PRMT1: variants seen among roughly 807,000 people sequenced by gnomAD.
The protein encoded by PRMT1 is protein arginine methyltransferase 1, also known as protein arginine N-methyltransferase 1.
PRMT1 carries 5 observed loss-of-function variants against 47.4 expected under a neutral mutation model. The ratio of observed to expected loss-of-function variants is 0.11; its 90% CI spans 0.06 to 0.22. The LOEUF (loss-of-function observed/expected upper bound fraction) is 0.22. Among genes scored for constraint, PRMT1 ranks in the 10% least tolerant of loss-of-function variants. PRMT1 has a pLI of 1.00. For synonymous variants in PRMT1, 227 were observed against 204.6 expected (o/e 1.11, Z -0.94); for missense variants, 249 against 518.4 (o/e 0.48, Z 5.05).
Position 49,685,371 on chromosome 19 carries a change from G to C in PRMT1, c.759+334G>C, listed in dbSNP as rs1487247016. 2 of 1,254,750 alleles carry C rather than the reference G, an allele frequency of 1.6e-6. No homozygotes were observed. Among genetic ancestry groups the C allele is most frequent in the Non-Finnish European group, 2.0e-6 (2 of 986,566 alleles). 77.7% of individuals were successfully genotyped at this position (1,254,750 alleles called of 1,614,324 possible). A position where few individuals can be genotyped will look rare whatever the true frequency, so the allele number is the denominator to read the frequency against. On this transcript the variant is annotated intron_variant, in intron 8 of 10. Transcript: ENST00000454376. This position sits in a 1 kb window ranked among gnomAD's most constrained non-coding sequence, Gnocchi z 4.7. ...CACGCGGGCCACTGCAGAAGAGCAC[G>C]GGGCCAGGCTGGGCTCCGAGATGTG...
In PRMT1 at chr19:49,686,182, C is replaced by T. The variant is rs746703303; in HGVS notation, c.849C>T (p.Ala283=). Reference sequence around the variant, plus strand: ...TGAAGCGGAATGACTACGTGCACGCCCTGGTGGCCTACTTCAACATCGAGT... The same window carrying T: ...TGAAGCGGAATGACTACGTGCACGCTCTGGTGGCCTACTTCAACATCGAGT... ...LQVKRNDYVH[A]LVAYFNIEFT... The change falls in exon 9 of 11, where the codon GCC becomes GCT. Residue 283 remains alanine, a synonymous_variant. Transcript: ENST00000454376. 1.1e-5 allele frequency: 17 copies of T among 1,613,734 alleles called. No individual in the cohort carries two copies. In the South Asian group the frequency reaches 1.5e-4, roughly 15 times the overall value.
At chr19:49,682,284 TG>T (rs781294700) in intron 5 of PRMT1, 25 bp downstream of exon 5, 1 of 1,609,530 alleles carries the variant, frequency 6.2e-7, no homozygotes, top group East Asian at 2.2e-5. Flanking sequence ...AGGATGGGTT[TG>T]TGGGAGTGGA....
Position 49,681,754 on chromosome 19 carries a change from T to G in PRMT1, c.193-156T>G, listed in dbSNP as rs368510937. Among the ~76,000 whole-genome samples, 1 of 151,646 alleles carries G rather than the reference T, an allele frequency of 6.6e-6. No individual in the cohort carries two copies. The highest frequency in any genetic ancestry group is 6.6e-5 in the Admixed American group (1 of 15,210). ...TTCCATCTCAAAAAATAAAATAAAA[T>G]AAAAATAAATAAATGAATAAATATA... On this transcript the variant is annotated intron_variant, in intron 3 of 10. Transcript: ENST00000454376. This position sits in a 1 kb window ranked among gnomAD's most constrained non-coding sequence, Gnocchi z 4.4.
upstream of PRMT1, chr19:49,677,122 C>G (rs535399520): frequency 1.1e-5 from 6 of 567,568 alleles, no homozygotes; most frequent in East Asian, 3.3e-5. Context: ...TAGCCAATTA[C>G]TAGACGGTAT....
rs764348345 is a variant in PRMT1, at chr19:49,686,140, C to A, written c.807C>A (p.Ser269=). ...TVKVEDLTFT[S]PFCLQVKRND... ...AGGTGGAAGACCTGACCTTCACCTCCCCGTTCTGCCTGCAAGTGAAGCGGA... is the reference window on the plus strand; with the variant it reads ...AGGTGGAAGACCTGACCTTCACCTCACCGTTCTGCCTGCAAGTGAAGCGGA... Residue 269 remains serine (S), a synonymous_variant, in exon 9 of 11, where the codon TCC becomes TCA. Transcript: ENST00000454376. 8 of 1,614,090 alleles carry A rather than the reference C, an allele frequency of 5.0e-6. No individual in the cohort carries two copies. The highest frequency in any genetic ancestry group is 6.8e-6 in the Non-Finnish European group (8 of 1,179,970).
At chr19:49,682,094 C>T (rs201638361) in intron 4 of PRMT1, 29 bp downstream of exon 4, 90 of 1,613,620 alleles carry the variant, frequency 5.6e-5, no homozygotes, top group East Asian at 2.0e-4. Context: ...CAGGCGGGGC[C>T]GGGCCTGAGG....
At chr19:49,677,733 C>T (rs1248654196) in intron 1 of PRMT1, 7 of 159,206 alleles carry the variant, frequency 4.4e-5, no homozygotes, top group Non-Finnish European at 8.2e-5. Context: ...CCCCAGCCCT[C>T]CTCCCCGGGG....
upstream of PRMT1, chr19:49,677,112 T>C: frequency 1.9e-6 from 1 of 522,724 alleles, no homozygotes; most frequent in African/African-American, 1.9e-5. Context: ...ACGTATTCTC[T>C]AGCCAATTAC....
At chr19:49,677,251 C>G (rs746446644), upstream of PRMT1, 1 of 1,415,562 alleles carries the variant, frequency 7.1e-7, no homozygotes, top group Admixed American at 2.7e-5. Flanking sequence ...GGGGTCTTGG[C>G]GGCCGGAGGA....
intron 5 of PRMT1, among the ~76,000 whole-genome samples, chr19:49,683,039 C>G (rs1033851770): frequency 3.3e-5 from 5 of 151,852 alleles, no homozygotes; most frequent in Admixed American, 6.6e-5. Flanking sequence ...GCCTGCTTGC[C>G]TTGGCCTCCC....
At chr19:49,683,442 A>G (rs1197436022) in intron 5 of PRMT1, among the ~76,000 whole-genome samples, 1 of 151,830 alleles carries the variant, frequency 6.6e-6, no homozygotes, top group Non-Finnish European at 1.5e-5. Flanking sequence ...TAATCCCAAC[A>G]TTTTGGGAGG....
At chr19:49,687,961 A>G in intron 10 of PRMT1, 1 of 620,838 alleles carries the variant, frequency 1.6e-6, no homozygotes, top group Non-Finnish European at 2.9e-6. Context: ...GAGTGAGTCT[A>G]GTGGGCTTGG....
chr19:49,677,837 ACCT>A (rs1043737990), intron 1 of PRMT1, among the ~76,000 whole-genome samples: 3 of 151,244 alleles, frequency 2.0e-5, no homozygotes, highest in African/African-American at 7.3e-5. Context: ...CCCTTTACCA[ACCT>A]CCTTCCGAGC....
rs1188658543 is a variant in PRMT1 at position 49,680,768 on chromosome 19, A to G, written c.192+180A>G. On this transcript the variant is annotated intron_variant, in intron 3 of 10. Transcript: ENST00000454376. This position sits in a 1 kb window ranked among gnomAD's most constrained non-coding sequence, Gnocchi z 4.2. The stretch of plus-strand genomic sequence containing the variant: ...AGCCGTTGCCTTGGAGACCGAGGTT[A>G]GCCTGAATCTCTGCAGGGGCCTCGC... Among the ~76,000 whole-genome samples, 3 of 152,242 alleles carry G rather than the reference A, an allele frequency of 2.0e-5. No homozygotes were observed. The highest frequency in any genetic ancestry group is 7.2e-5 in the African/African-American group (3 of 41,462).
At chr19:49,687,841 G>A (rs940029263) in intron 10 of PRMT1, 1 of 431,016 alleles carries the variant, frequency 2.3e-6, no homozygotes, top group Admixed American at 3.4e-5. Context: ...GAGGAAGTGG[G>A]CTTGGGAGAG....
chr19:49,677,350 C>A (rs1355930379), intron 1 of PRMT1, 34 bp downstream of exon 1: 2 of 1,372,664 alleles, frequency 1.5e-6, no homozygotes, highest in East Asian at 2.8e-5. Flanking sequence ...GGGCGGGAGG[C>A]GGCTTTGGGT....
At chr19:49,679,785 C>T in intron 1 of PRMT1, 87 bp from the exon 2 acceptor site, 1 of 999,264 alleles carries the variant, frequency 1.0e-6, no homozygotes, top group Admixed American at 2.0e-5. Flanking sequence ...GGAAACCCAC[C>T]CCCCGGCCAG....
At position 49,677,285 on chromosome 19, in the gene PRMT1, C is replaced by T; in HGVS notation, c.5C>T (p.Ala2Val). The T allele has an allele frequency of 7.1e-7, 1 of 1,413,304 alleles. No homozygotes were observed. The highest frequency in any genetic ancestry group is 9.3e-7 in the Non-Finnish European group (1 of 1,080,662). The allele number at this position is 1,413,304 out of a possible 1,614,324, so 87.5% of individuals were successfully genotyped here. A position where few individuals can be genotyped will look rare whatever the true frequency, so the allele number is the denominator to read the frequency against. The part of the protein sequence containing the change: M[A>V]AAEAANCIME... ...GAGGAGTAGGTGCGGGTGAAGATGGCGGCAGCCGAGGCCGCGAACTGCATC... is the reference window on the plus strand; with the variant it reads ...GAGGAGTAGGTGCGGGTGAAGATGGTGGCAGCCGAGGCCGCGAACTGCATC... The change falls in exon 1 of 11, where the codon GCG becomes GTG. Residue 2 changes from alanine to valine, a missense_variant. Physicochemically the swap from Ala to Val is moderately conservative, Grantham distance 64 (BLOSUM62 0). Coordinates refer to ENST00000454376, the MANE Select transcript of PRMT1 (RefSeq NM_001536.6).
In PRMT1 at chr19:49,684,055, C is replaced by T; in HGVS notation, c.541C>T (p.Arg181Trp). The change falls in exon 6 of 11, where the codon CGG becomes TGG. Residue 181 changes from arginine to tryptophan, a missense_variant. By Grantham distance (101) the Arg-to-Trp change is moderately radical. Around this residue, in one of 2 missense-constraint regions of PRMT1, gnomAD observed 190 missense variants for 456.7 expected, o/e 0.42. Transcript: ENST00000454376. This position sits in a 1 kb window ranked among gnomAD's most constrained non-coding sequence, Gnocchi z 6.2. ...ESMLNTVLYA[R>W]DKWLAPDGLI... is the part of the protein sequence containing the mutation. The stretch of plus-strand genomic sequence containing the variant: ...CATGCTCAACACCGTGCTCTATGCC[C>T]GGGACAAGTGGCTGGTGAGGCCCCA... 6.2e-7 allele frequency: 1 copy of T among 1,614,140 alleles called. No individual in the cohort carries two copies. Among genetic ancestry groups the T allele is most frequent in the Non-Finnish European group, 8.5e-7 (1 of 1,180,008 alleles).
Sources: allele counts gnomAD v4.1 joint callset (sites outside exome capture counted in the v4.1 genomes callset), GRCh38; gene constraint gnomAD v4.1.1; regional missense constraint gnomAD v4.1.1; non-coding constraint Gnocchi (gnomAD v3.1); transcripts MANE v1.5; gene names NCBI Gene and HGNC (gene_info 2026-07-23, HGNC 2026-07-21).